RUNDC3B: variants seen among roughly 807,000 people sequenced by gnomAD.
RUNDC3B encodes the protein RUN domain-containing protein 3B.
In RUNDC3B, 33 loss-of-function variants were observed where a neutral mutation model predicts 58.4. The ratio of observed to expected loss-of-function variants is 0.56; its 90% CI spans 0.43 to 0.75. RUNDC3B has a LOEUF of 0.75. Among genes scored for constraint, RUNDC3B ranks in the 30% least tolerant of loss-of-function variants. The probability of loss-of-function intolerance (pLI) is 0.00; values close to 1 mark genes in which losing one functional copy is unlikely to be tolerated. For missense variants in RUNDC3B, 501 were observed against 535.7 expected, an observed-to-expected ratio of 0.94 and a Z score of 0.64; for synonymous variants, 193 against 195.2, an observed-to-expected ratio of 0.99 and a Z score of 0.10.
chr7:87,761,941 A>G (rs1459797435), intron 6 of RUNDC3B, among the ~76,000 whole-genome samples: 1 of 151,804 alleles, frequency 6.6e-6, no homozygotes, highest in Non-Finnish European at 1.5e-5. Flanking sequence ...AAAGGTGTAT[A>G]CAAGTATACA....
At chr7:87,820,560 C>G (rs1236128104) in intron 10 of RUNDC3B, among the ~76,000 whole-genome samples, 1 of 151,594 alleles carries the variant, frequency 6.6e-6, no homozygotes, top group African/African-American at 2.4e-5. Context: ...CATCCTGATA[C>G]CAAAGCCGGG....
intron 4 of RUNDC3B, 26 bp from the exon 5 acceptor site, chr7:87,739,765 A>G: frequency 1.8e-6 from 2 of 1,093,538 alleles, no homozygotes; most frequent in Middle Eastern, 2.6e-4. Flanking sequence ...TTAATATTTT[A>G]TATATTCACC....
chr7:87,798,523 G>A (rs1835937662), intron 8 of RUNDC3B, among the ~76,000 whole-genome samples: 1 of 152,018 alleles, frequency 6.6e-6, no homozygotes, highest in African/African-American at 2.4e-5. Context: ...TGAATCTTGT[G>A]TCCTTCTAAT....
intron 3 of RUNDC3B, among the ~76,000 whole-genome samples, chr7:87,703,162 T>C (rs1291786254): frequency 3.3e-5 from 5 of 152,200 alleles, no homozygotes; most frequent in Non-Finnish European, 5.9e-5. Flanking sequence ...AATTATAAAT[T>C]ATGTGTCTAT....
chr7:87,702,309 T>TG (rs1829161148), intron 3 of RUNDC3B, among the ~76,000 whole-genome samples: 1 of 151,930 alleles, frequency 6.6e-6, no homozygotes, highest in African/African-American at 2.4e-5. Context: ...GACAGGGTCT[T>TG]GCTCTGTTGC....
At chr7:87,755,631 CTAAA>C (rs1833324996) in intron 6 of RUNDC3B, among the ~76,000 whole-genome samples, 1 of 152,170 alleles carries the variant, frequency 6.6e-6, no homozygotes, top group Admixed American at 6.5e-5. Flanking sequence ...CAATGATTAT[CTAAA>C]TAGACACAGA....
rs1206199075 is a variant in RUNDC3B at position 87,700,442 on chromosome 7, A to T, written c.260A>T (p.Tyr87Phe). Reference sequence around the variant, plus strand: ...GAAGGTCAAGTAACCTGGTTTGGTTATGAAAGTCCTCGTAGCTTCTGGGAC... The same window carrying T: ...GAAGGTCAAGTAACCTGGTTTGGTTTTGAAAGTCCTCGTAGCTTCTGGGAC... ...RLKGQVTWFG[Y>F]ESPRSFWDYI... The change falls in exon 3 of 11, where the codon TAT becomes TTT. Residue 87 changes from tyrosine (Y) to phenylalanine (F), a missense_variant. By Grantham distance (22) the Tyr-to-Phe change is conservative. Coordinates refer to ENST00000394654, the MANE Select transcript of RUNDC3B (RefSeq NM_001134405.2). 6.2e-7 allele frequency: 1 copy of T among 1,612,052 alleles called. No individual in the cohort carries two copies. The highest frequency in any genetic ancestry group is 1.1e-5 in the South Asian group (1 of 90,106).
At chr7:87,700,349 ATTG>A in intron 2 of RUNDC3B, 69 bp from the exon 3 acceptor site, 1 of 1,280,050 alleles carries the variant, frequency 7.8e-7, no homozygotes, top group Non-Finnish European at 1.1e-6. Context: ...TCAGAATTTT[ATTG>A]TTCTTGCATT....
intron 4 of RUNDC3B, among the ~76,000 whole-genome samples, chr7:87,736,530 C>T (rs1252863792): frequency 6.6e-6 from 1 of 151,634 alleles, no homozygotes; most frequent in African/African-American, 2.4e-5. Context: ...TTCTAATCAA[C>T]ATATAAATAC....
chr7:87,785,613 G>A (rs1455993594), intron 8 of RUNDC3B, among the ~76,000 whole-genome samples: 2 of 152,158 alleles, frequency 1.3e-5, no homozygotes, highest in African/African-American at 4.8e-5. Context: ...CGAGGCAGGT[G>A]GCTTTGAGAG....
chr7:87,671,710 C>T (rs917534915), intron 2 of RUNDC3B, among the ~76,000 whole-genome samples: 1 of 152,198 alleles, frequency 6.6e-6, no homozygotes, highest in Non-Finnish European at 1.5e-5. Context: ...TGAGGACCCA[C>T]TTAAAAACGC....
At chr7:87,676,547 C>G (rs919723445) in intron 2 of RUNDC3B, among the ~76,000 whole-genome samples, 2 of 151,176 alleles carry the variant, frequency 1.3e-5, no homozygotes, top group East Asian at 2.0e-4. Context: ...CTACTGAAAA[C>G]ACAATAATTA....
intron 4 of RUNDC3B, among the ~76,000 whole-genome samples, chr7:87,720,752 C>G (rs1340891762): frequency 1.3e-5 from 2 of 151,542 alleles, no homozygotes; most frequent in Admixed American, 1.3e-4. Flanking sequence ...AGACGCGTGC[C>G]ACCACGCCCT....
At chr7:87,816,996 A>G (rs893851725) in intron 10 of RUNDC3B, among the ~76,000 whole-genome samples, 1 of 152,130 alleles carries the variant, frequency 6.6e-6, no homozygotes, top group Non-Finnish European at 1.5e-5. Context: ...CTGGTTCTCA[A>G]TCTTTTATCT....
intron 5 of RUNDC3B, among the ~76,000 whole-genome samples, chr7:87,740,656 G>A (rs1258262064): frequency 3.3e-5 from 5 of 152,180 alleles, no homozygotes; most frequent in South Asian, 2.1e-4. Context: ...AATGCTGTTC[G>A]TTTTCACTGA....
chr7:87,693,776 A>T, intron 2 of RUNDC3B: 1 of 700,624 alleles, frequency 1.4e-6, no homozygotes, highest in Non-Finnish European at 2.4e-6. Context: ...TTTATTTAGT[A>T]GGTAAAAGTA....
At chr7:87,633,383 T>C (rs1399897477) in intron 1 of RUNDC3B, among the ~76,000 whole-genome samples, 1 of 152,342 alleles carries the variant, frequency 6.6e-6, no homozygotes, top group East Asian at 1.9e-4. Flanking sequence ...TCCTTATTGA[T>C]GACTTTACTC....
intron 2 of RUNDC3B, among the ~76,000 whole-genome samples, chr7:87,662,376 C>A (rs1824799443): frequency 6.6e-6 from 1 of 151,984 alleles, no homozygotes; most frequent in South Asian, 2.1e-4. Context: ...AATAATTTCA[C>A]ACTTTCAGGT....
intron 4 of RUNDC3B, among the ~76,000 whole-genome samples, chr7:87,729,030 C>T (rs773427273): frequency 5.3e-5 from 8 of 152,084 alleles, no homozygotes; most frequent in Non-Finnish European, 1.0e-4. Flanking sequence ...TCCACAAAGA[C>T]ATTTTTCCTT....
Sources: gnomAD v4.1 joint callset for allele counts (sites outside exome capture counted in the v4.1 genomes callset) on GRCh38, gnomAD v4.1.1 for gene constraint, MANE v1.5 for transcripts, NCBI Gene and HGNC (gene_info 2026-07-23, HGNC 2026-07-21) for gene names.